The following KRTAP9-4 variants were observed in gnomAD, a reference collection of about 807,000 sequenced individuals.
KRTAP9-4 encodes the protein keratin associated protein 9-4.
In KRTAP9-4, 8 loss-of-function variants were observed where a neutral mutation model predicts 12.7. That is an observed-to-expected ratio of 0.63 (90% CI 0.37 to 1.14). The LOEUF is 1.14. Among genes scored for constraint, KRTAP9-4 ranks in the 50% most tolerant of loss-of-function variants. The probability of loss-of-function intolerance (pLI) is 0.01; values close to 1 mark genes in which losing one functional copy is unlikely to be tolerated. For synonymous variants in KRTAP9-4, 81 were observed against 67.3 expected, an observed-to-expected ratio of 1.20 and a Z score of -1.00; for missense variants, 188 against 189.1, an observed-to-expected ratio of 0.99 and a Z score of 0.03.
Position 41,249,962 on chromosome 17 carries a change from G to A in KRTAP9-4, c.242G>A (p.Cys81Tyr), listed in dbSNP as rs2016197218. The A allele has an allele frequency of 6.2e-7, 1 of 1,612,898 alleles. No individual in the cohort carries two copies. Among genetic ancestry groups the A allele is most frequent in the Non-Finnish European group, 8.5e-7 (1 of 1,179,888 alleles). The change falls in exon 1 of 1, where the codon TGC becomes TAC. Residue 81 changes from cysteine (C) to tyrosine (Y), a missense_variant. Transcript: ENST00000334109. ...CQPSCCSTPCCQPTCCGSSCD... is the reference protein window; with the variant it reads ...CQPSCCSTPCYQPTCCGSSCD... The stretch of plus-strand genomic sequence containing the variant: ...CCTTCCTGCTGCAGCACACCCTGCT[G>A]CCAGCCCACCTGCTGTGGGTCCAGC...
chr17:41,249,809 C>T lies in KRTAP9-4; in HGVS notation c.89C>T (p.Thr30Ile), dbSNP rs747681883. ...RTTCWKPTTV[T>I]TCSSTPCCQP... ...ACCTGCTGGAAGCCCACCACTGTGA[C>T]CACCTGCAGCAGCACACCCTGCTGC... is the stretch of plus-strand genomic sequence containing the variant. Residue 30 changes from threonine to isoleucine, a missense_variant, in exon 1 of 1, where the codon ACC becomes ATC. Transcript: ENST00000334109. The T allele has an allele frequency of 2.5e-6, 4 of 1,612,890 alleles. No homozygotes were observed. The South Asian group carries it at 4.4e-5, about 18-fold the overall frequency.
Position 41,250,372 on chromosome 17 carries a change from CTT to C in KRTAP9-4, c.*191_*192del. ...GGGCAGAATACTTCATCCTGATTCT[CTT>C]TTTCCTTACACTTTGTGGATCATGT... On this transcript the variant is annotated 3_prime_UTR_variant, in exon 1 of 1. Transcript: ENST00000334109. The C allele has an allele frequency of 1.3e-6, 1 of 789,252 alleles. No individual in the cohort carries two copies. Among genetic ancestry groups the C allele is most frequent in the South Asian group, 1.8e-5 (1 of 54,628 alleles). The allele number at this position is 789,252 out of a possible 1,614,324, so 48.9% of individuals were successfully genotyped here. A position where few individuals can be genotyped will look rare whatever the true frequency, so the allele number is the denominator to read the frequency against.
rs200400945 is a variant in KRTAP9-4, at chr17:41,249,826, C to A, written c.106C>A (p.Pro36Thr). 5 of 1,530,916 alleles carry A rather than the reference C, an allele frequency of 3.3e-6. No individual in the cohort carries two copies. The highest frequency in any genetic ancestry group is 3.6e-6 in the Non-Finnish European group (4 of 1,116,204). The allele number at this position is 1,530,916 out of a possible 1,614,324, so 94.8% of individuals were successfully genotyped here. ...PTTVTTCSST[P>T]CCQPSCCVSS... is the part of the protein sequence containing the mutation. ...CACTGTGACCACCTGCAGCAGCACACCCTGCTGCCAGCCCTCCTGCTGTGT... is the reference window on the plus strand; with the variant it reads ...CACTGTGACCACCTGCAGCAGCACAACCTGCTGCCAGCCCTCCTGCTGTGT... The change falls in exon 1 of 1, where the codon CCC (proline) becomes ACC (threonine). Residue 36 changes from proline to threonine, a missense_variant. Transcript: ENST00000334109.
In KRTAP9-4 at chr17:41,249,971, C is replaced by G; in HGVS notation, c.251C>G (p.Thr84Ser). The G allele has an allele frequency of 6.2e-7, 1 of 1,614,148 alleles. No individual in the cohort carries two copies. The highest frequency in any genetic ancestry group is 8.5e-7 in the Non-Finnish European group (1 of 1,180,036). The change falls in exon 1 of 1, where the codon ACC (threonine) becomes AGC (serine). Residue 84 changes from threonine to serine, a missense_variant. Physicochemically the swap from Thr to Ser is moderately conservative, Grantham distance 58. Coordinates refer to ENST00000334109, the MANE Select transcript of KRTAP9-4 (RefSeq NM_033191.3). ...TGCAGCACACCCTGCTGCCAGCCCA[C>G]CTGCTGTGGGTCCAGCTGTGACCAG... Reference protein sequence around the residue: ...SCCSTPCCQPTCCGSSCDQSS... With the variant: ...SCCSTPCCQPSCCGSSCDQSS...
In KRTAP9-4 at chr17:41,250,121, G is replaced by A. The variant is rs774644241; in HGVS notation, c.401G>A (p.Cys134Tyr). Residue 134 changes from cysteine to tyrosine, a missense_variant, in exon 1 of 1, where the codon TGC (cysteine) becomes TAC (tyrosine). Cys to Tyr is a radical substitution (Grantham distance 194). Transcript: ENST00000334109. ...TGCCAGCCCTGCTGCCGCCCAGCCTGCTGTGAGACCACTTGCTTCCAGCCC... is the reference window on the plus strand; with the variant it reads ...TGCCAGCCCTGCTGCCGCCCAGCCTACTGTGAGACCACTTGCTTCCAGCCC... ...NCCQPCCRPACCETTCFQPTC... is the reference protein window; with the variant it reads ...NCCQPCCRPAYCETTCFQPTC... 2.8e-5 allele frequency: 45 copies of A among 1,614,086 alleles called. No individual in the cohort carries two copies. The highest frequency in any genetic ancestry group is 3.8e-5 in the Non-Finnish European group (45 of 1,180,030).
In KRTAP9-4 at chr17:41,250,484, T is replaced by C. The variant is rs2016212577; in HGVS notation, c.*299T>C. On this transcript the variant is annotated 3_prime_UTR_variant, in exon 1 of 1. Transcript: ENST00000334109. ...AGCTTCATTCTCTGCTTCTAAGGAA[T>C]TTAGGTTTCTGCAACTGATCAATAA... 5 of 622,000 alleles carry C rather than the reference T, an allele frequency of 8.0e-6. No individual in the cohort carries two copies. Among genetic ancestry groups the C allele is most frequent in the African/African-American group, 1.8e-5 (1 of 54,200 alleles). 38.5% of individuals were successfully genotyped at this position (622,000 alleles called of 1,614,324 possible). A position where few individuals can be genotyped will look rare whatever the true frequency, so the allele number is the denominator to read the frequency against.
In KRTAP9-4 at chr17:41,249,929, G is replaced by A. The variant is rs2016196083; in HGVS notation, c.209G>A (p.Cys70Tyr). 2.5e-6 allele frequency: 4 copies of A among 1,613,312 alleles called. No homozygotes were observed. The highest frequency in any genetic ancestry group is 3.4e-6 in the Non-Finnish European group (4 of 1,179,694). ...TCCQPTCVTSCCQPSCCSTPC... is the reference protein window; with the variant it reads ...TCCQPTCVTSYCQPSCCSTPC... ...TGCCAGCCCACCTGTGTGACCAGCT[G>A]CTGCCAGCCTTCCTGCTGCAGCACA... Residue 70 changes from cysteine (C) to tyrosine (Y), a missense_variant, in exon 1 of 1, where the codon TGC (cysteine) becomes TAC (tyrosine). Coordinates refer to ENST00000334109, the MANE Select transcript of KRTAP9-4 (RefSeq NM_033191.3).
Position 41,250,374 on chromosome 17 carries a change from T to G in KRTAP9-4, c.*189T>G, listed in dbSNP as rs1054185290. ...GCAGAATACTTCATCCTGATTCTCTTTTTCCTTACACTTTGTGGATCATGT... is the reference window on the plus strand; with the variant it reads ...GCAGAATACTTCATCCTGATTCTCTGTTTCCTTACACTTTGTGGATCATGT... On this transcript the variant is annotated 3_prime_UTR_variant, in exon 1 of 1. Coordinates refer to ENST00000334109, the MANE Select transcript of KRTAP9-4 (RefSeq NM_033191.3). The G allele has an allele frequency of 3.8e-6, 3 of 785,656 alleles. No homozygotes were observed. In the African/African-American group the frequency reaches 5.2e-5, roughly 14 times the overall value. The allele number at this position is 785,656 out of a possible 1,614,324, so 48.7% of individuals were successfully genotyped here.
rs150499442 is a variant in KRTAP9-4, at chr17:41,249,999, C to A, written c.279C>A (p.Ser93Arg). The A allele has an allele frequency of 1.9e-6, 3 of 1,613,868 alleles. No individual in the cohort carries two copies. Among genetic ancestry groups the A allele is most frequent in the African/African-American group, 1.3e-5 (1 of 74,840 alleles). Residue 93 changes from serine (S) to arginine (R), a missense_variant, in exon 1 of 1, where the codon AGC becomes AGA. Physicochemically the swap from Ser to Arg is moderately radical, Grantham distance 110. Transcript: ENST00000334109. ...PTCCGSSCDQ[S>R]SSCAPVYCRR... ...GCTGTGGGTCCAGCTGTGACCAGAG[C>A]AGCTCCTGTGCACCTGTGTACTGCA...
chr17:41,249,760 T>C lies in KRTAP9-4; in HGVS notation c.40T>C (p.Cys14Arg). ...CCSPCCQPTC[C>R]RTTCCRTTCW... ...CTCCCCTTGCTGTCAGCCTACATGC[T>C]GCAGGACCACCTGCTGCAGGACCAC... Residue 14 changes from cysteine (C) to arginine (R), a missense_variant, in exon 1 of 1, where the codon TGC (cysteine) becomes CGC (arginine). Transcript: ENST00000334109. 1 of 1,611,788 alleles carries C rather than the reference T, an allele frequency of 6.2e-7. No individual in the cohort carries two copies. Among genetic ancestry groups the C allele is most frequent in the Non-Finnish European group, 8.5e-7 (1 of 1,179,492 alleles).
chr17:41,249,899 C>A lies in KRTAP9-4; in HGVS notation c.179C>A (p.Thr60Asn). Residue 60 changes from threonine (T) to asparagine (N), a missense_variant, in exon 1 of 1, where the codon ACC (threonine) becomes AAC (asparagine). Physicochemically the swap from Thr to Asn is moderately conservative, Grantham distance 65. Coordinates refer to ENST00000334109, the MANE Select transcript of KRTAP9-4 (RefSeq NM_033191.3). Reference sequence around the variant, plus strand: ...TGCCGCCCAACTTGCTGTCAAAACACCTGCTGCCAGCCCACCTGTGTGACC... The same window carrying A: ...TGCCGCCCAACTTGCTGTCAAAACAACTGCTGCCAGCCCACCTGTGTGACC... ...PCCRPTCCQNTCCQPTCVTSC... is the reference protein window; with the variant it reads ...PCCRPTCCQNNCCQPTCVTSC... 6.2e-7 allele frequency: 1 copy of A among 1,613,044 alleles called. No homozygotes were observed. The highest frequency in any genetic ancestry group is 8.5e-7 in the Non-Finnish European group (1 of 1,179,236).
chr17:41,250,052 T>TCTGC, the KRTAP9-4 span: 1 of 1,613,290 alleles, frequency 6.2e-7, no homozygotes, highest in Non-Finnish European at 8.5e-7. Flanking sequence ...CCCACAACTG[T>TCTGC]CTGCCTGCCT....
rs139183542 is a variant in KRTAP9-4, at chr17:41,249,922, A to G, written c.202A>G (p.Thr68Ala). ...CACCTGCTGCCAGCCCACCTGTGTG[A>G]CCAGCTGCTGCCAGCCTTCCTGCTG... The part of the protein sequence containing the change: ...QNTCCQPTCV[T>A]SCCQPSCCST... Residue 68 changes from threonine to alanine, a missense_variant, in exon 1 of 1, where the codon ACC (threonine) becomes GCC (alanine). By Grantham distance (58) the Thr-to-Ala change is moderately conservative. Coordinates refer to ENST00000334109, the MANE Select transcript of KRTAP9-4 (RefSeq NM_033191.3). 3.7e-6 allele frequency: 6 copies of G among 1,607,942 alleles called. No individual in the cohort carries two copies. In the East Asian group the frequency reaches 1.1e-4, roughly 30 times the overall value.
rs200350614 is a variant in KRTAP9-4 at position 41,250,193 on chromosome 17, C to T, written c.*8C>T. The T allele has an allele frequency of 1.2e-6, 2 of 1,614,134 alleles. No homozygotes were observed. The highest frequency in any genetic ancestry group is 1.7e-5 in the Admixed American group (1 of 60,032). On this transcript the variant is annotated 3_prime_UTR_variant, in exon 1 of 1. Coordinates refer to ENST00000334109, the MANE Select transcript of KRTAP9-4 (RefSeq NM_033191.3). ...CAGCCTTTTTGCTGCTGATCAAGTC[C>T]CAAGAGAACCACCATCCTCACACAA...
Position 41,250,560 on chromosome 17 carries a change from C to G in KRTAP9-4, c.*375C>G. 2 of 227,974 alleles carry G rather than the reference C, an allele frequency of 8.8e-6. No homozygotes were observed. The highest frequency in any genetic ancestry group is 8.8e-6 in the Non-Finnish European group (1 of 113,278). 14.1% of individuals were successfully genotyped at this position (227,974 alleles called of 1,614,324 possible). On this transcript the variant is annotated 3_prime_UTR_variant, in exon 1 of 1. Transcript: ENST00000334109. ...AATATCCTCCTCATGGTTCTTGTAT[C>G]CTTCTTTCTTCTTTTCATAACTTTG...
Position 41,250,450 on chromosome 17 carries a change from A to G in KRTAP9-4, c.*265A>G. 1 of 653,384 alleles carries G rather than the reference A, an allele frequency of 1.5e-6. No homozygotes were observed. The highest frequency in any genetic ancestry group is 4.3e-4 in the Middle Eastern group (1 of 2,328). 40.5% of individuals were successfully genotyped at this position (653,384 alleles called of 1,614,324 possible). ...GAGTCATGGTCTCAGCTTTGACTCA[A>G]AAGTCAAGAGCTTCATTCTCTGCTT... On this transcript the variant is annotated 3_prime_UTR_variant, in exon 1 of 1. Coordinates refer to ENST00000334109, the MANE Select transcript of KRTAP9-4 (RefSeq NM_033191.3).
Position 41,250,166 on chromosome 17 carries a change from G to C in KRTAP9-4, c.446G>C (p.Cys149Ser). ...CAGCCCACCTGTGTGTCCAGCTGCT[G>C]TCAGCCTTTTTGCTGCTGATCAAGT... ...CFQPTCVSSCCQPFCC is the reference protein window; with the variant it reads ...CFQPTCVSSCSQPFCC The change falls in exon 1 of 1, where the codon TGT (cysteine) becomes TCT (serine). Residue 149 changes from cysteine (C) to serine (S), a missense_variant. Physicochemically the swap from Cys to Ser is moderately radical, Grantham distance 112. Coordinates refer to ENST00000334109, the MANE Select transcript of KRTAP9-4 (RefSeq NM_033191.3). 1.2e-6 allele frequency: 2 copies of C among 1,614,264 alleles called. No homozygotes were observed. Among genetic ancestry groups the C allele is most frequent in the Non-Finnish European group, 1.7e-6 (2 of 1,180,026 alleles).
Position 41,250,236 on chromosome 17 carries a change from G to C in KRTAP9-4, c.*51G>C, listed in dbSNP as rs763930092. On this transcript the variant is annotated 3_prime_UTR_variant, in exon 1 of 1. Transcript: ENST00000334109. The stretch of plus-strand genomic sequence containing the variant: ...TCACACAACAACTTTCTGCTCAACT[G>C]ACTTATCTTTTGGGGGACTAATTTA... 6.2e-7 allele frequency: 1 copy of C among 1,607,698 alleles called. No homozygotes were observed.
chr17:41,250,293 C>T lies in KRTAP9-4; in HGVS notation c.*108C>T, dbSNP rs2016207694. On this transcript the variant is annotated 3_prime_UTR_variant, in exon 1 of 1. Transcript: ENST00000334109. ...TGCTGACAGCCACCATGCTCTCACC[C>T]AAATTTTTATGAATTCTCTACCTGT... 4.6e-6 allele frequency: 6 copies of T among 1,309,850 alleles called. No homozygotes were observed. The highest frequency in any genetic ancestry group is 5.3e-6 in the Non-Finnish European group (5 of 936,582). 81.1% of individuals were successfully genotyped at this position (1,309,850 alleles called of 1,614,324 possible).
Sources: allele counts gnomAD v4.1 joint callset, GRCh38; gene constraint gnomAD v4.1.1; transcripts MANE v1.5; gene names NCBI Gene and HGNC (gene_info 2026-07-23, HGNC 2026-07-21).